The following CCNH variants were observed in gnomAD, a reference collection of about 807,000 sequenced individuals.
The protein encoded by CCNH is cyclin H, also known as cyclin-H.
CCNH carries 31 observed loss-of-function variants against 41.9 expected under a neutral mutation model. That is an observed-to-expected ratio of 0.74 (90% CI 0.56 to 1.00). The LOEUF is 1.00. Among genes scored for constraint, CCNH ranks in the 50% least tolerant of loss-of-function variants. The probability of loss-of-function intolerance (pLI) is 0.00; values close to 1 mark genes in which losing one functional copy is unlikely to be tolerated. For synonymous variants in CCNH, 138 were observed against 136.1 expected (o/e 1.01, Z -0.10); for missense variants, 362 against 388.4 (o/e 0.93, Z 0.57).
chr5:87,381,072 G>A (rs914686639), upstream of CCNH, among the ~76,000 whole-genome samples: 1 of 152,130 alleles, frequency 6.6e-6, no homozygotes, highest in African/African-American at 2.4e-5. Flanking sequence ...AACTGCTTTG[G>A]CAAATCATGG....
intron 9 of CCNH, among the ~76,000 whole-genome samples, chr5:87,351,387 A>G (rs1759263397): frequency 1.3e-5 from 2 of 151,786 alleles, no homozygotes; most frequent in South Asian, 2.1e-4. Flanking sequence ...ATATAAATGC[A>G]TGGGAATCAA....
upstream of CCNH, chr5:87,380,567 A>T: frequency 1.9e-6 from 3 of 1,613,226 alleles, no homozygotes; most frequent in Non-Finnish European, 2.5e-6. Flanking sequence ...GTGGCCTACA[A>T]ATACCACCAT....
chr5:87,375,165 C>G (rs1442399352), downstream of CCNH, among the ~76,000 whole-genome samples: 1 of 152,162 alleles, frequency 6.6e-6, no homozygotes, highest in African/African-American at 2.4e-5. Context: ...AGCCACCCTC[C>G]TTTCTCCAAT....
At chr5:87,351,972 T>C (rs1186935001) in intron 9 of CCNH, among the ~76,000 whole-genome samples, 1 of 151,878 alleles carries the variant, frequency 6.6e-6, no homozygotes, top group Non-Finnish European at 1.5e-5. Flanking sequence ...TGGTGCTTTT[T>C]GCTTTAAAAC....
rs555943598 is a variant in CCNH, at chr5:87,412,872, AC to A, written c.-79del. ...CAGCGTCCTGGCGTAAAACACCCGT[AC>A]CCCCACCGAAGATCTCGCGGAAGCC... On this transcript the variant is annotated 5_prime_UTR_variant, in exon 1 of 9. Coordinates refer to ENST00000256897, the MANE Select transcript of CCNH (RefSeq NM_001239.4). The A allele has an allele frequency of 1.7e-3, 2,647 of 1,559,290 alleles. 23 individuals carry two copies. The highest frequency in any genetic ancestry group is 0.014 in the East Asian group (618 of 43,776).
intron 9 of CCNH, among the ~76,000 whole-genome samples, chr5:87,321,041 G>A (rs1362069770): frequency 6.6e-6 from 1 of 152,150 alleles, no homozygotes; most frequent in Non-Finnish European, 1.5e-5. Flanking sequence ...TGTGGTTTAG[G>A]AAGAAAGAGC....
downstream of CCNH, among the ~76,000 whole-genome samples, chr5:87,316,398 T>C (rs940204413): frequency 6.6e-6 from 1 of 152,236 alleles, no homozygotes; most frequent in African/African-American, 2.4e-5. Flanking sequence ...CTTATTCCGA[T>C]TCCCAGGTTA....
intron 9 of CCNH, among the ~76,000 whole-genome samples, chr5:87,335,378 T>C (rs1757888523): frequency 6.6e-6 from 1 of 151,366 alleles, no homozygotes; most frequent in South Asian, 2.1e-4. Flanking sequence ...TCTGAAATAA[T>C]GACTTTTCTG....
chr5:87,341,786 A>G (rs957756936), intron 9 of CCNH, among the ~76,000 whole-genome samples: 2 of 152,254 alleles, frequency 1.3e-5, no homozygotes, highest in East Asian at 3.9e-4. Context: ...GAAGATCTGA[A>G]CCATTAATCC....
chr5:87,316,105 C>G (rs908762128), downstream of CCNH, among the ~76,000 whole-genome samples: 5 of 152,082 alleles, frequency 3.3e-5, no homozygotes, highest in African/African-American at 1.2e-4. Flanking sequence ...CTTTTTTGTG[C>G]TAGAATGCTC....
At chr5:87,379,164 C>T (rs141264885), upstream of CCNH, among the ~76,000 whole-genome samples, 8 of 152,130 alleles carry the variant, frequency 5.3e-5, no homozygotes, top group East Asian at 5.8e-4. Flanking sequence ...TAATCCTGCA[C>T]GAAGGTGTCG....
In CCNH at chr5:87,363,330, A is replaced by AT. The variant is rs60835976; in HGVS notation, c.*90+29439dup. The AT allele has an allele frequency of 5.3e-3, 7,062 of 1,323,012 alleles. 1 individual carries two copies. The highest frequency in any genetic ancestry group is 5.9e-3 in the Non-Finnish European group (5,603 of 956,566). 82.0% of individuals were successfully genotyped at this position (1,323,012 alleles called of 1,614,324 possible). On this transcript the variant is annotated intron_variant and NMD_transcript_variant, in intron 9 of 9. Coordinates refer to the CCNH transcript ENST00000645953. ...ACAATTGTTTGGCTAAGAGAAAACA[A>AT]TTTTTTTTTTTAAACAGGCAAAGGA...
intron 9 of CCNH, among the ~76,000 whole-genome samples, chr5:87,322,604 T>TA (rs1419149009): frequency 6.6e-6 from 1 of 151,972 alleles, no homozygotes; most frequent in East Asian, 1.9e-4. Context: ...CTGCCATGAG[T>TA]AAAAGCTTCC....
chr5:87,377,162 G>C (rs1761384451), exon 1 of CCNH: 3 of 1,303,816 alleles, frequency 2.3e-6, no homozygotes, highest in Non-Finnish European at 3.2e-6. Flanking sequence ...AAGTTATTCT[G>C]TTTTCCCTCC....
chr5:87,314,551 A>G (rs1756175304), downstream of CCNH, among the ~76,000 whole-genome samples: 1 of 152,218 alleles, frequency 6.6e-6, no homozygotes. Context: ...GAAATAGGTC[A>G]GAGATACTGA....
At chr5:87,393,630 G>GTT (rs1580429631), downstream of CCNH, 1 of 152,084 alleles carries the variant, frequency 6.6e-6, no homozygotes, top group African/African-American at 2.4e-5. Flanking sequence ...CCTAGTAACT[G>GTT]TTATAATCTA....
At chr5:87,327,064 A>T (rs1757284287) in intron 9 of CCNH, among the ~76,000 whole-genome samples, 1 of 152,134 alleles carries the variant, frequency 6.6e-6, no homozygotes, top group Non-Finnish European at 1.5e-5. Flanking sequence ...CTCCCCTGTG[A>T]TACTGGTTTG....
chr5:87,329,317 C>T (rs1757448577), intron 9 of CCNH, among the ~76,000 whole-genome samples: 1 of 150,212 alleles, frequency 6.7e-6, no homozygotes. Context: ...TAGCATGTGT[C>T]TGCAGTCTCG....
At chr5:87,360,789 A>G (rs1048255778) in intron 9 of CCNH, among the ~76,000 whole-genome samples, 2 of 152,184 alleles carry the variant, frequency 1.3e-5, no homozygotes, top group African/African-American at 2.4e-5. Flanking sequence ...ATCAAAATCA[A>G]TTCTGCCATC....
Sources: gnomAD v4.1 joint callset for allele counts (sites outside exome capture counted in the v4.1 genomes callset) on GRCh38, gnomAD v4.1.1 for gene constraint, MANE v1.5 for transcripts, NCBI Gene and HGNC (gene_info 2026-07-23, HGNC 2026-07-21) for gene names.